PUM1: variants seen among roughly 807,000 people sequenced by gnomAD.
The protein encoded by PUM1 is pumilio RNA binding family member 1.
In PUM1, 13 loss-of-function variants were observed where a neutral mutation model predicts 131.8. The observed-to-expected ratio is 0.10, with a 90% CI of 0.06 to 0.16. The LOEUF (loss-of-function observed/expected upper bound fraction) is 0.16, where lower values mean the gene tolerates loss of function less well. Ranked by LOEUF, PUM1 falls within the 10% of genes least tolerant of loss-of-function variation. The pLI is 1.00. For missense variants in PUM1, 961 were observed against 1,512.4 expected (o/e 0.64, Z 6.05); for synonymous variants, 509 against 556.5 (o/e 0.91, Z 1.20).
chr1:30,953,638 T>G (rs1640037305), intron 15 of PUM1, 76 bp downstream of exon 15: 1 of 1,495,612 alleles, frequency 6.7e-7, no homozygotes, highest in African/African-American at 1.4e-5. Context: ...TTTATTTAAG[T>G]AGATACCCAT....
chr1:31,053,600 G>A (rs892740017), intron 2 of PUM1, among the ~76,000 whole-genome samples: 25 of 151,122 alleles, frequency 1.7e-4, no homozygotes, highest in Non-Finnish European at 3.1e-4. Flanking sequence ...AGCCCTCCAA[G>A]TAGCTGGGAC....
At chr1:30,942,182 C>T in intron 18 of PUM1, 59 bp from the exon 19 acceptor site, 1 of 785,612 alleles carries the variant, frequency 1.3e-6, no homozygotes, top group Non-Finnish European at 1.8e-6. Flanking sequence ...TTCAATGCTT[C>T]AGTATTGTTT....
chr1:30,939,882 A>G lies in PUM1; in HGVS notation c.3242+1269T>C, dbSNP rs114034371. On this transcript the variant is annotated intron_variant, in intron 20 of 21. Coordinates refer to ENST00000426105, the MANE Select transcript of PUM1 (RefSeq NM_001020658.2). ...AAAATAAAAACTTCTTTTTTTTTAA[A>G]TTGTTTTTGAATTTGTTGTAATATT... is the stretch of plus-strand genomic sequence containing the variant. Among the ~76,000 whole-genome samples the G allele has an allele frequency of 3.1e-3, 465 of 152,226 alleles. 4 individuals are homozygous for G. Among genetic ancestry groups the G allele is most frequent in the African/African-American group, 0.01 (436 of 41,530 alleles).
chr1:31,035,395 GAAAAAA>G (rs145331151), intron 2 of PUM1, among the ~76,000 whole-genome samples: 1 of 135,766 alleles, frequency 7.4e-6, no homozygotes, highest in African/African-American at 2.7e-5. Context: ...TGTCTCAAAA[GAAAAAA>G]AAAAAAGTCA....
At chr1:30,965,524 C>A (rs1373739246) in intron 13 of PUM1, among the ~76,000 whole-genome samples, 1 of 152,144 alleles carries the variant, frequency 6.6e-6, no homozygotes, top group Admixed American at 6.5e-5. Context: ...GGTCTAATAT[C>A]CTTCCTCCTA....
chr1:30,933,439 T>TACATAC (rs1553142807), intron 21 of PUM1, 97 bp from the exon 22 acceptor site: 9 of 363,894 alleles, frequency 2.5e-5, no homozygotes, highest in South Asian at 5.1e-5. Context: ...CACACACACA[T>TACATAC]ACACACACAC....
intron 16 of PUM1, among the ~76,000 whole-genome samples, chr1:30,951,466 A>G (rs533106756): frequency 7.5e-4 from 114 of 152,314 alleles, no homozygotes; most frequent in African/African-American, 2.6e-3. Flanking sequence ...AGATGTTAAG[A>G]CATTTACAAA....
In PUM1 at chr1:31,030,946, A is replaced by T. The variant is rs183182098; in HGVS notation, c.364-2082T>A. On this transcript the variant is annotated intron_variant, in intron 2 of 21. Transcript: ENST00000426105. ...TGAAATTTATAAAACTCAAAGTAAGAGTAAAGTTCAGTTAGTTACATGAGC... is the reference window on the plus strand; with the variant it reads ...TGAAATTTATAAAACTCAAAGTAAGTGTAAAGTTCAGTTAGTTACATGAGC... Among the ~76,000 whole-genome samples, 233 of 152,362 alleles carry T rather than the reference A, an allele frequency of 1.5e-3. 2 individuals carry two copies. Among genetic ancestry groups the T allele is most frequent in the Middle Eastern group, 3.4e-3 (1 of 294 alleles).
At chr1:31,007,158 G>A in intron 3 of PUM1, 56 bp from the exon 4 acceptor site, 1 of 1,315,328 alleles carries the variant, frequency 7.6e-7, no homozygotes, top group Non-Finnish European at 1.1e-6. Context: ...TGAAAGTACA[G>A]CAGTCAACAC....
rs372711573 is a variant in PUM1 at position 31,006,063 on chromosome 1, G to A, written c.542-32C>T. 2.6e-6 allele frequency: 4 copies of A among 1,514,360 alleles called. No homozygotes were observed. In the African/African-American group the frequency reaches 5.6e-5, roughly 21 times the overall value. 93.8% of individuals were successfully genotyped at this position (1,514,360 alleles called of 1,614,324 possible). A position where few individuals can be genotyped will look rare whatever the true frequency, so the allele number is the denominator to read the frequency against. On this transcript the variant is annotated intron_variant, in intron 4 of 21. Coordinates refer to ENST00000426105, the MANE Select transcript of PUM1 (RefSeq NM_001020658.2). ...AAAAGATACACAAGCATGATACAGT[G>A]CAGCCAGAGGCTCAAACAAATTATG...
intron 20 of PUM1, among the ~76,000 whole-genome samples, chr1:30,939,082 T>C (rs1445316889): frequency 6.6e-6 from 1 of 152,232 alleles, no homozygotes; most frequent in East Asian, 1.9e-4. Context: ...TCTTTACTAA[T>C]TCCAATAACT....
At position 30,932,415 on chromosome 1, in the gene PUM1, C is replaced by G. The variant is rs1302017628; in HGVS notation, c.*796G>C. 6.6e-6 allele frequency: 1 copy of G among 151,376 alleles called. No homozygotes were observed. Among genetic ancestry groups the G allele is most frequent in the African/African-American group, 2.4e-5 (1 of 41,252 alleles). 9.4% of individuals were successfully genotyped at this position (151,376 alleles called of 1,614,324 possible). A position where few individuals can be genotyped will look rare whatever the true frequency, so the allele number is the denominator to read the frequency against. ...AAAGCAGAGTTGGATTTTTTTTTCT[C>G]ATGCTAAATAATCAGATTTTACCTT... On this transcript the variant is annotated 3_prime_UTR_variant, in exon 22 of 22. Transcript: ENST00000426105.
chr1:31,024,745 T>C (rs1234046722), intron 3 of PUM1, among the ~76,000 whole-genome samples: 1 of 152,216 alleles, frequency 6.6e-6, no homozygotes, highest in African/African-American at 2.4e-5. Flanking sequence ...CTCAAAGTAC[T>C]TTCCAACTAC....
At chr1:31,006,141 G>A (rs1642394970) in intron 4 of PUM1, 110 bp from the exon 5 acceptor site, 1 of 910,420 alleles carries the variant, frequency 1.1e-6, no homozygotes, top group South Asian at 2.0e-5. Flanking sequence ...ATGGTCAGTT[G>A]AGCCAAAACC....
chr1:31,027,130 C>A (rs1432050582), intron 3 of PUM1, among the ~76,000 whole-genome samples: 2 of 152,080 alleles, frequency 1.3e-5, no homozygotes, highest in African/African-American at 4.8e-5. Context: ...TTATTCTTAT[C>A]TTGTATCATT....
Position 31,043,002 on chromosome 1 carries a change from G to A in PUM1, c.364-14138C>T, listed in dbSNP as rs551692852. Among the ~76,000 whole-genome samples, 251 of 151,842 alleles carry A rather than the reference G, an allele frequency of 1.7e-3. 3 individuals carry two copies. The highest frequency in any genetic ancestry group is 7.8e-4 in the East Asian group (4 of 5,112). ...CCTCATGTGCTGGGATTACAGGCAT[G>A]AGCCACCACGCCTAGCCAGAAACAA... On this transcript the variant is annotated intron_variant, in intron 2 of 21. Coordinates refer to ENST00000426105, the MANE Select transcript of PUM1 (RefSeq NM_001020658.2).
At chr1:31,057,405 CAAAAAAAAAA>C (rs1223950994) in intron 2 of PUM1, among the ~76,000 whole-genome samples, 1 of 68,758 alleles carries the variant, frequency 1.5e-5, no homozygotes, top group Non-Finnish European at 2.6e-5. Context: ...GACCTTGTCT[CAAAAAAAAAA>C]AAAAAAAGAA....
rs371056869 is a variant in PUM1, at chr1:30,936,789, C to T, written c.3289G>A (p.Ala1097Thr). The T allele has an allele frequency of 5.0e-6, 8 of 1,613,740 alleles. No individual in the cohort carries two copies. Among genetic ancestry groups the T allele is most frequent in the African/African-American group, 2.7e-5 (2 of 74,908 alleles). Residue 1097 changes from alanine (A) to threonine (T), a missense_variant, in exon 21 of 22, where the codon GCT becomes ACT. By Grantham distance (58) the Ala-to-Thr change is moderately conservative (BLOSUM62 0). Coordinates refer to ENST00000426105, the MANE Select transcript of PUM1 (RefSeq NM_001020658.2). ...GTGCACACCTCATCGATGAGCACAG[C>T]GCGCTCCGTACGTGAGGCGTGAGTA... Reference protein sequence around the residue: ...CVTHASRTERAVLIDEVCTMN... With the variant: ...CVTHASRTERTVLIDEVCTMN...
At chr1:31,053,480 T>A (rs1183293526) in intron 2 of PUM1, among the ~76,000 whole-genome samples, 2 of 147,682 alleles carry the variant, frequency 1.4e-5, no homozygotes, top group African/African-American at 5.0e-5. Context: ...GGAGGCCTTT[T>A]TTTTTTTTTG....
Sources: gnomAD v4.1 joint callset for allele counts (sites outside exome capture counted in the v4.1 genomes callset) on GRCh38, gnomAD v4.1.1 for gene constraint, MANE v1.5 for transcripts, NCBI Gene and HGNC (gene_info 2026-07-23, HGNC 2026-07-21) for gene names.